Variants in ARHGEF28 observed in about 807,000 individuals in gnomAD.
The protein encoded by ARHGEF28 is Rho guanine nucleotide exchange factor 28.
ARHGEF28 carries 152 observed loss-of-function variants against 206.6 expected under a neutral mutation model. The ratio of observed to expected loss-of-function variants is 0.74; its 90% CI spans 0.64 to 0.84. The LOEUF is 0.84. Ranked by LOEUF, ARHGEF28 falls within the 40% of genes least tolerant of loss-of-function variation. ARHGEF28 has a pLI of 0.00. For missense variants in ARHGEF28, 2,028 were observed against 2,073.2 expected, an observed-to-expected ratio of 0.98 and a Z score of 0.42; for synonymous variants, 763 against 776.4, an observed-to-expected ratio of 0.98 and a Z score of 0.29.
intron 9 of ARHGEF28, among the ~76,000 whole-genome samples, chr5:73,825,608 G>T (rs1561433263): frequency 6.6e-6 from 1 of 152,206 alleles, no homozygotes; most frequent in Non-Finnish European, 1.5e-5. Flanking sequence ...AAAGGCTATG[G>T]AGGGCCAAGA....
At chr5:73,897,356 C>T (rs1403385204) in intron 29 of ARHGEF28, among the ~76,000 whole-genome samples, 1 of 152,160 alleles carries the variant, frequency 6.6e-6, no homozygotes, top group East Asian at 1.9e-4. Flanking sequence ...TGTCAAATGC[C>T]CAATATCCCC....
At chr5:73,686,525 T>C (rs139484025) in intron 2 of ARHGEF28, among the ~76,000 whole-genome samples, 3,757 of 151,182 alleles carry the variant, frequency 0.025, 183 homozygotes, top group African/African-American at 0.086. Context: ...CTTTTCTTTT[T>C]TTTTTTTTTT....
chr5:73,793,680 C>T (rs991963812), intron 7 of ARHGEF28, among the ~76,000 whole-genome samples: 1 of 151,924 alleles, frequency 6.6e-6, no homozygotes, highest in African/African-American at 2.4e-5. Context: ...TTTCCCCAGG[C>T]CCAAACCTGT....
At chr5:73,706,006 C>T (rs775646231) in intron 2 of ARHGEF28, among the ~76,000 whole-genome samples, 1 of 152,186 alleles carries the variant, frequency 6.6e-6, no homozygotes, top group East Asian at 1.9e-4. Context: ...TAGCTGAACT[C>T]TGGTGGAATA....
intron 2 of ARHGEF28, among the ~76,000 whole-genome samples, chr5:73,705,807 C>A (rs949194299): frequency 3.3e-5 from 5 of 152,122 alleles, no homozygotes; most frequent in Non-Finnish European, 5.9e-5. Context: ...TTTTCATAGA[C>A]CATGTTGTCA....
intron 25 of ARHGEF28, among the ~76,000 whole-genome samples, chr5:73,886,784 T>C (rs1761327923): frequency 6.6e-6 from 1 of 152,212 alleles, no homozygotes; most frequent in Admixed American, 6.5e-5. Flanking sequence ...ATTCTGATTT[T>C]TATCACTGTG....
At chr5:73,774,815 G>T (rs1431036581) in intron 5 of ARHGEF28, among the ~76,000 whole-genome samples, 1 of 152,140 alleles carries the variant, frequency 6.6e-6, no homozygotes, top group East Asian at 1.9e-4. Flanking sequence ...GGGAAAGTAT[G>T]TTGAAAATTA....
At chr5:73,661,742 C>T (rs1745611517) in intron 1 of ARHGEF28, among the ~76,000 whole-genome samples, 2 of 152,044 alleles carry the variant, frequency 1.3e-5, no homozygotes, top group South Asian at 4.2e-4. Context: ...ACAGAACACA[C>T]ATAACATTTA....
At chr5:73,629,065 A>T (rs910596735) in intron 1 of ARHGEF28, among the ~76,000 whole-genome samples, 1 of 152,138 alleles carries the variant, frequency 6.6e-6, no homozygotes, top group Non-Finnish European at 1.5e-5. Flanking sequence ...TTGAAGTCTT[A>T]CTATGTGCCC....
At chr5:73,771,798 T>C (rs1753243177) in intron 4 of ARHGEF28, among the ~76,000 whole-genome samples, 1 of 152,130 alleles carries the variant, frequency 6.6e-6, no homozygotes, top group Non-Finnish European at 1.5e-5. Flanking sequence ...AGTATAATGG[T>C]CAAAAGTTAA....
Position 73,749,994 on chromosome 5 carries a change from C to G in ARHGEF28, c.181+10C>G. The stretch of plus-strand genomic sequence containing the variant: ...CAGTCCAGCGTCCCAGGTGAGGTGT[C>G]CTCTTTGTTGTGCAGCTGGGAAATT... On this transcript the variant is annotated intron_variant, in intron 3 of 35. Coordinates refer to ENST00000513042, the MANE Select transcript of ARHGEF28 (RefSeq NM_001177693.2). 1.2e-6 allele frequency: 2 copies of G among 1,613,114 alleles called. No homozygotes were observed. The highest frequency in any genetic ancestry group is 1.7e-6 in the Non-Finnish European group (2 of 1,179,588).
intron 1 of ARHGEF28, among the ~76,000 whole-genome samples, chr5:73,644,428 TC>T (rs1189013882): frequency 6.6e-6 from 1 of 152,142 alleles, no homozygotes; most frequent in Non-Finnish European, 1.5e-5. Context: ...CCACCTCTGC[TC>T]CCCCAGCACC....
intron 10 of ARHGEF28, among the ~76,000 whole-genome samples, chr5:73,833,054 G>T (rs1579957151): frequency 6.6e-6 from 1 of 152,168 alleles, no homozygotes; most frequent in African/African-American, 2.4e-5. Flanking sequence ...AGAAGCAGAT[G>T]GTTTGAATGT....
chr5:73,765,619 A>G (rs550364179), intron 4 of ARHGEF28, among the ~76,000 whole-genome samples: 1 of 152,196 alleles, frequency 6.6e-6, no homozygotes, highest in Non-Finnish European at 1.5e-5. Flanking sequence ...GAGTATCTGT[A>G]TTTTATTCTG....
intron 14 of ARHGEF28, among the ~76,000 whole-genome samples, chr5:73,852,910 A>G (rs933444661): frequency 7.2e-5 from 11 of 152,190 alleles, no homozygotes; most frequent in Non-Finnish European, 4.4e-5. Flanking sequence ...TGGGGACAGC[A>G]TGTTCTGTCT....
chr5:73,679,182 A>G (rs771647509), intron 1 of ARHGEF28, among the ~76,000 whole-genome samples: 2 of 152,276 alleles, frequency 1.3e-5, no homozygotes, highest in African/African-American at 2.4e-5. Context: ...AAAAATTTAC[A>G]GAATGCCATG....
chr5:73,768,758 T>C (rs1753049441), intron 4 of ARHGEF28, among the ~76,000 whole-genome samples: 1 of 152,004 alleles, frequency 6.6e-6, no homozygotes, highest in African/African-American at 2.4e-5. Flanking sequence ...CATGATTGGG[T>C]TTAAAATGTA....
chr5:73,836,648 G>A (rs970752972), intron 10 of ARHGEF28, among the ~76,000 whole-genome samples: 10 of 152,046 alleles, frequency 6.6e-5, no homozygotes, highest in Admixed American at 5.9e-4. Flanking sequence ...TTGCTGTGCA[G>A]AGATTTTTTG....
chr5:73,763,202 A>G (rs1418281452), intron 4 of ARHGEF28, among the ~76,000 whole-genome samples: 1 of 151,914 alleles, frequency 6.6e-6, no homozygotes, highest in Non-Finnish European at 1.5e-5. Flanking sequence ...TTTTATACTG[A>G]TTTCCGGTTT....
Sources: allele counts gnomAD v4.1 joint callset (sites outside exome capture counted in the v4.1 genomes callset), GRCh38; gene constraint gnomAD v4.1.1; transcripts MANE v1.5; gene names NCBI Gene and HGNC (gene_info 2026-07-23, HGNC 2026-07-21).